The following TANC2 variants were observed in gnomAD, a reference collection of about 807,000 sequenced individuals.
TANC2 encodes the protein tetratricopeptide repeat, ankyrin repeat and coiled-coil containing 2.
A neutral mutation model predicts 210.5 loss-of-function variants in TANC2; 26 were observed. The observed-to-expected ratio is 0.12, with a 90% CI of 0.09 to 0.17. The LOEUF (loss-of-function observed/expected upper bound fraction) is 0.17. TANC2 is among the 10% of genes least tolerant of loss of function. TANC2 has a pLI of 1.00. For synonymous variants in TANC2, 931 were observed against 967.1 expected, an observed-to-expected ratio of 0.96 and a Z score of 0.69; for missense variants, 2,129 against 2,608.9, an observed-to-expected ratio of 0.82 and a Z score of 4.01.
intron 14 of TANC2, among the ~76,000 whole-genome samples, chr17:63,363,938 A>G (rs529411223): frequency 1.4e-4 from 22 of 152,344 alleles, no homozygotes; most frequent in Non-Finnish European, 2.4e-4. Flanking sequence ...ATTCTTCTCT[A>G]TCTTCCACTG....
At chr17:63,210,664 A>G (rs141485111) in intron 7 of TANC2, among the ~76,000 whole-genome samples, 254 of 152,324 alleles carry the variant, frequency 1.7e-3, no homozygotes, top group African/African-American at 5.9e-3. Flanking sequence ...ACACAATGTG[A>G]TAAAGAGTAA....
rs1372888850 is a variant in TANC2, at chr17:63,208,651, A to G, written c.769+7694A>G. ...ATATTAAATCTTCTAATCCAGGAAT[A>G]TATTTTTTATCTCTTTCATTTAGAG... On this transcript the variant is annotated intron_variant, in intron 7 of 27. Coordinates refer to ENST00000689528, the Ensembl canonical transcript of TANC2. Among the ~76,000 whole-genome samples, 7 of 152,192 alleles carry G rather than the reference A, an allele frequency of 4.6e-5. No individual in the cohort carries two copies. In the South Asian group the frequency reaches 1.2e-3, roughly 27 times the overall value.
Position 63,386,594 on chromosome 17 carries a change from C to T in TANC2, c.2692-2041C>T, listed in dbSNP as rs557512289. 1.5e-4 allele frequency among the ~76,000 whole-genome samples: 23 copies of T among 152,086 alleles called. No homozygotes were observed. The East Asian group carries it at 4.4e-3, about 29-fold the overall frequency. ...CTTTTGTAAATACATTTTAAATTTTCCTTAATCAAAAATGTTTAATAAAGT... is the reference window on the plus strand; with the variant it reads ...CTTTTGTAAATACATTTTAAATTTTTCTTAATCAAAAATGTTTAATAAAGT... On this transcript the variant is annotated intron_variant, in intron 15 of 27. Coordinates refer to ENST00000689528, the Ensembl canonical transcript of TANC2.
At chr17:63,397,740 C>A (rs1362824086) in intron 18 of TANC2, among the ~76,000 whole-genome samples, 1 of 152,132 alleles carries the variant, frequency 6.6e-6, no homozygotes, top group African/African-American at 2.4e-5. Flanking sequence ...ATATAAATAA[C>A]CTCAACAGCA....
At chr17:63,398,608 A>G (rs2048244641) in intron 18 of TANC2, among the ~76,000 whole-genome samples, 1 of 152,232 alleles carries the variant, frequency 6.6e-6, no homozygotes, top group African/African-American at 2.4e-5. Context: ...AGTGAATTGC[A>G]TTCTAGAGAA....
intron 7 of TANC2, among the ~76,000 whole-genome samples, chr17:63,207,125 G>T (rs1209264857): frequency 7.0e-6 from 1 of 143,224 alleles, no homozygotes; most frequent in Non-Finnish European, 1.5e-5. Flanking sequence ...TGCCACATTT[G>T]TATCCCTAAA....
chr17:63,375,172 C>A (rs539123030), intron 14 of TANC2, among the ~76,000 whole-genome samples: 13 of 152,064 alleles, frequency 8.5e-5, no homozygotes, highest in African/African-American at 1.7e-4. Context: ...TTGCTGTTTC[C>A]CCTTATGTCC....
At chr17:63,140,625 G>T (rs967679070) in intron 4 of TANC2, among the ~76,000 whole-genome samples, 2 of 152,198 alleles carry the variant, frequency 1.3e-5, no homozygotes, top group Non-Finnish European at 2.9e-5. Flanking sequence ...TGGAGACCAG[G>T]ATATTGGTGG....
intron 3 of TANC2, chr17:63,089,106 C>G (rs1264526754): frequency 2.0e-5 from 3 of 152,196 alleles, no homozygotes; most frequent in African/African-American, 4.8e-5. Context: ...ACTGGAGATT[C>G]TAGTCAGGGC....
At chr17:63,312,175 A>G (rs948352478) in intron 9 of TANC2, among the ~76,000 whole-genome samples, 2 of 152,220 alleles carry the variant, frequency 1.3e-5, no homozygotes, top group Non-Finnish European at 1.5e-5. Flanking sequence ...TTGGCAAACT[A>G]AAGTTTATTT....
chr17:63,279,109 T>A (rs540831260), intron 9 of TANC2, among the ~76,000 whole-genome samples: 3 of 152,082 alleles, frequency 2.0e-5, no homozygotes, highest in Non-Finnish European at 4.4e-5. Flanking sequence ...CCTCTCCCCC[T>A]ATGGAAGAAC....
At chr17:63,357,843 C>T (rs1032613016) in intron 14 of TANC2, among the ~76,000 whole-genome samples, 1 of 152,242 alleles carries the variant, frequency 6.6e-6, no homozygotes, top group Admixed American at 6.5e-5. Context: ...GGCCTTCAGC[C>T]TCCACTTCTT....
At chr17:63,113,745 C>CA (rs1006451549) in intron 4 of TANC2, among the ~76,000 whole-genome samples, 2 of 152,112 alleles carry the variant, frequency 1.3e-5, no homozygotes, top group African/African-American at 4.8e-5. Flanking sequence ...TGGGCTCAAG[C>CA]AACCCTCTCA....
intron 2 of TANC2, among the ~76,000 whole-genome samples, chr17:63,044,369 T>C (rs756514426): frequency 2.6e-5 from 4 of 152,208 alleles, no homozygotes; most frequent in Non-Finnish European, 5.9e-5. Flanking sequence ...TCATTTCCTC[T>C]ATGTCATTCT....
At chr17:63,080,947 A>G (rs191787684) in intron 3 of TANC2, among the ~76,000 whole-genome samples, 56 of 152,318 alleles carry the variant, frequency 3.7e-4, no homozygotes, top group African/African-American at 1.3e-3. Context: ...AGGAAATATT[A>G]ATTTTATATT....
intron 4 of TANC2, among the ~76,000 whole-genome samples, chr17:63,114,327 C>T (rs913008402): frequency 2.0e-5 from 3 of 152,216 alleles, no homozygotes; most frequent in Non-Finnish European, 4.4e-5. Flanking sequence ...TACTGCTTCT[C>T]AGTATATCCA....
chr17:63,308,122 C>G lies in TANC2; in HGVS notation c.1160-6266C>G, dbSNP rs1318372365. ...TGTTGAGGAAATTATATCTCTAATT[C>G]ATATTTAGTGGGGGAAGGCCTTTAC... On this transcript the variant is annotated intron_variant, in intron 9 of 27. Coordinates refer to ENST00000689528, the Ensembl canonical transcript of TANC2. Among the ~76,000 whole-genome samples the G allele has an allele frequency of 5.3e-5, 8 of 152,206 alleles. No individual in the cohort carries two copies. In the East Asian group the frequency reaches 1.5e-3, roughly 29 times the overall value.
At chr17:63,406,022 T>G (rs1009935262) in intron 20 of TANC2, 132 bp from the exon 21 acceptor site, 2 of 1,146,568 alleles carry the variant, frequency 1.7e-6, no homozygotes, top group Admixed American at 2.2e-5. Flanking sequence ...CAGGTACTTA[T>G]GGGGGAAGTG....
At chr17:63,328,054 C>T (rs1290890495) in intron 11 of TANC2, among the ~76,000 whole-genome samples, 3 of 152,060 alleles carry the variant, frequency 2.0e-5, no homozygotes, top group East Asian at 3.9e-4. Flanking sequence ...TGGATGCAGC[C>T]GGAGGCCATC....
Sources: gnomAD v4.1 joint callset for allele counts (sites outside exome capture counted in the v4.1 genomes callset) on GRCh38, gnomAD v4.1.1 for gene constraint, MANE v1.5 for transcripts, NCBI Gene and HGNC (gene_info 2026-07-23, HGNC 2026-07-21) for gene names.